Variants in CTNND2 observed in about 807,000 individuals in gnomAD.
CTNND2 encodes catenin delta-2.
Under a neutral mutation model 144.4 loss-of-function variants are expected in CTNND2, and 22 were observed. The observed-to-expected ratio is 0.15, with a 90% CI of 0.11 to 0.22. The LOEUF is 0.22. CTNND2 is among the 10% of genes least tolerant of loss of function. The pLI is 1.00. For missense variants in CTNND2, 1,353 were observed against 1,618.8 expected, an observed-to-expected ratio of 0.84 and a Z score of 2.82; for synonymous variants, 751 against 695.6, an observed-to-expected ratio of 1.08 and a Z score of -1.25.
Position 11,730,150 on chromosome 5 carries a change from A to G in CTNND2, c.174+1986T>C, listed in dbSNP as rs1787294288. On this transcript the variant is annotated intron_variant, in intron 2 of 21. Transcript: ENST00000304623. The stretch of plus-strand genomic sequence containing the variant: ...TTTTGAGTTGTGTCTTGCTATTACT[A>G]GTAGTATTCATATTGTGAAACTCAT... Among the ~76,000 whole-genome samples, 2 of 152,140 alleles carry G rather than the reference A, an allele frequency of 1.3e-5. 1 individual carries two copies. Among genetic ancestry groups the G allele is most frequent in the African/African-American group, 4.8e-5 (2 of 41,440 alleles).
At chr5:11,296,360 A>T (rs1748998700) in intron 9 of CTNND2, among the ~76,000 whole-genome samples, 2 of 152,010 alleles carry the variant, frequency 1.3e-5, no homozygotes, top group Admixed American at 6.6e-5. Flanking sequence ...TGTGGAGAAA[A>T]AGGAACACTT....
At chr5:11,174,070 T>C (rs1270258490) in intron 11 of CTNND2, among the ~76,000 whole-genome samples, 1 of 152,018 alleles carries the variant, frequency 6.6e-6, no homozygotes, top group African/African-American at 2.4e-5. Flanking sequence ...CTCGGCTGGA[T>C]GTGGGGGTGC....
At chr5:11,310,242 C>T (rs1580864190) in intron 9 of CTNND2, among the ~76,000 whole-genome samples, 1 of 152,064 alleles carries the variant, frequency 6.6e-6, no homozygotes, top group Non-Finnish European at 1.5e-5. Context: ...TGGGGTCTGA[C>T]AGCTTTTAGT....
chr5:11,065,430 C>A (rs568888232), intron 16 of CTNND2, among the ~76,000 whole-genome samples: 2 of 152,346 alleles, frequency 1.3e-5, no homozygotes, highest in African/African-American at 4.8e-5. Context: ...CTTTGTCATT[C>A]AAATTCTTTT....
chr5:11,366,092 G>A (rs550722974), intron 7 of CTNND2, among the ~76,000 whole-genome samples: 1 of 152,218 alleles, frequency 6.6e-6, no homozygotes, highest in African/African-American at 2.4e-5. Flanking sequence ...TGGCCATGTC[G>A]GGACAGCTCT....
At chr5:11,573,651 A>G (rs1160316055) in intron 2 of CTNND2, among the ~76,000 whole-genome samples, 2 of 152,230 alleles carry the variant, frequency 1.3e-5, no homozygotes, top group African/African-American at 4.8e-5. Context: ...GCTGTCTGTG[A>G]AAGTTTACAA....
At chr5:11,420,091 G>A (rs753129760) in intron 3 of CTNND2, among the ~76,000 whole-genome samples, 8 of 152,278 alleles carry the variant, frequency 5.3e-5, no homozygotes, top group African/African-American at 9.6e-5. Context: ...TTGGGAGGCC[G>A]AGGCGGGCGA....
chr5:11,863,078 T>G (rs577448464), intron 1 of CTNND2, among the ~76,000 whole-genome samples: 1 of 152,206 alleles, frequency 6.6e-6, no homozygotes, highest in Non-Finnish European at 1.5e-5. Context: ...TTTCTCGTAT[T>G]TCATTTAACC....
intron 3 of CTNND2, among the ~76,000 whole-genome samples, chr5:11,430,914 C>T (rs1321275776): frequency 6.6e-6 from 1 of 152,122 alleles, no homozygotes; most frequent in South Asian, 2.1e-4. Context: ...AAGATTCAAT[C>T]GAGAACCCAT....
At chr5:11,899,999 G>A (rs1483359508) in intron 1 of CTNND2, among the ~76,000 whole-genome samples, 1 of 152,090 alleles carries the variant, frequency 6.6e-6, no homozygotes, top group Non-Finnish European at 1.5e-5. Flanking sequence ...GTTGGGCTCT[G>A]ACATATAACG....
At chr5:11,489,915 G>C (rs1462746461) in intron 3 of CTNND2, among the ~76,000 whole-genome samples, 5 of 152,122 alleles carry the variant, frequency 3.3e-5, no homozygotes, top group African/African-American at 1.2e-4. Context: ...TTATTCCAAT[G>C]CCTCTTGCCT....
chr5:11,028,208 C>T (rs1472935769), intron 16 of CTNND2, among the ~76,000 whole-genome samples: 2 of 151,988 alleles, frequency 1.3e-5, no homozygotes, highest in Non-Finnish European at 2.9e-5. Context: ...TATATTTTTC[C>T]AGAAGGTCAG....
chr5:11,720,151 C>A lies in CTNND2; in HGVS notation c.174+11985G>T, dbSNP rs149083719. Among the ~76,000 whole-genome samples, 3 of 152,204 alleles carry A rather than the reference C, an allele frequency of 2.0e-5. No individual in the cohort carries two copies. In the East Asian group the frequency reaches 5.8e-4, roughly 29 times the overall value. Reference sequence around the variant, plus strand: ...TCCCAAAGAGACAGCAGCAACTGGCCGTACTTGAGAGTACTTCCCTAAATT... The same window carrying A: ...TCCCAAAGAGACAGCAGCAACTGGCAGTACTTGAGAGTACTTCCCTAAATT... On this transcript the variant is annotated intron_variant, in intron 2 of 21. Coordinates refer to ENST00000304623, the MANE Select transcript of CTNND2 (RefSeq NM_001332.4).
intron 1 of CTNND2, among the ~76,000 whole-genome samples, chr5:11,880,870 ACT>A (rs1560962539): frequency 9.6e-5 from 12 of 124,464 alleles, no homozygotes; most frequent in Admixed American, 5.7e-4. Flanking sequence ...TACCACTACT[ACT>A]GCTACTAGTA....
chr5:11,662,100 C>A (rs934624249), intron 2 of CTNND2, among the ~76,000 whole-genome samples: 2 of 147,140 alleles, frequency 1.4e-5, no homozygotes, highest in African/African-American at 5.0e-5. Flanking sequence ...CATATATACA[C>A]ATATTTATGT....
At chr5:11,631,930 G>A (rs1781436877) in intron 2 of CTNND2, among the ~76,000 whole-genome samples, 1 of 152,168 alleles carries the variant, frequency 6.6e-6, no homozygotes, top group Admixed American at 6.5e-5. Context: ...GTATAAATGT[G>A]TTGCCTGGGA....
chr5:11,070,485 A>G (rs2149610729), intron 16 of CTNND2, among the ~76,000 whole-genome samples: 1 of 152,352 alleles, frequency 6.6e-6, no homozygotes, highest in Non-Finnish European at 1.5e-5. Flanking sequence ...CTACAGGACA[A>G]TATCATGTAG....
intron 10 of CTNND2, among the ~76,000 whole-genome samples, chr5:11,204,587 C>T (rs933533553): frequency 3.9e-5 from 6 of 151,924 alleles, no homozygotes; most frequent in Non-Finnish European, 8.8e-5. Flanking sequence ...TTACTCTTAA[C>T]ATAATCTGCA....
chr5:11,767,316 A>C (rs1789651621), intron 1 of CTNND2, among the ~76,000 whole-genome samples: 2 of 152,172 alleles, frequency 1.3e-5, no homozygotes. Context: ...AATGCCCATT[A>C]ATTACTAGTA....
Sources: gnomAD v4.1 joint callset for allele counts (sites outside exome capture counted in the v4.1 genomes callset) on GRCh38, gnomAD v4.1.1 for gene constraint, MANE v1.5 for transcripts, NCBI Gene and HGNC (gene_info 2026-07-23, HGNC 2026-07-21) for gene names.